The following CNBD1 variants were observed in gnomAD, a reference collection of about 807,000 sequenced individuals.
The protein encoded by CNBD1 is cyclic nucleotide binding domain containing 1, also known as cyclic nucleotide-binding domain-containing protein 1.
CNBD1 carries 71 observed loss-of-function variants against 54.4 expected under a neutral mutation model. The observed-to-expected ratio is 1.30, with a 90% confidence interval of 1.08 to 1.59. The LOEUF (loss-of-function observed/expected upper bound fraction) is 1.59. Ranked by LOEUF, CNBD1 falls within the 40% of genes most tolerant of loss-of-function variation. The pLI is 0.00. For missense variants in CNBD1, 659 were observed against 518.0 expected (o/e 1.27, Z -2.64); for synonymous variants, 182 against 170.7 (o/e 1.07, Z -0.51).
At chr8:87,150,449 T>G (rs753758658) in intron 4 of CNBD1, among the ~76,000 whole-genome samples, 8 of 152,220 alleles carry the variant, frequency 5.3e-5, no homozygotes, top group Non-Finnish European at 1.0e-4. Flanking sequence ...TCTTTTTGAA[T>G]GAGCTAATAT....
chr8:87,421,257 T>C (rs925792652), intron 2 of CNBD1, among the ~76,000 whole-genome samples: 1 of 151,434 alleles, frequency 6.6e-6, no homozygotes, highest in Non-Finnish European at 1.5e-5. Context: ...GTTCATTTTT[T>C]ATTTTTTATT....
chr8:87,076,636 G>C (rs553527756), intron 4 of CNBD1, among the ~76,000 whole-genome samples: 1 of 152,134 alleles, frequency 6.6e-6, no homozygotes, highest in Non-Finnish European at 1.5e-5. Context: ...TAGAGATGGG[G>C]TTTCATCGTG....
At chr8:87,293,331 G>A (rs1488438208) in intron 8 of CNBD1, among the ~76,000 whole-genome samples, 3 of 152,034 alleles carry the variant, frequency 2.0e-5, no homozygotes, top group Non-Finnish European at 4.4e-5. Context: ...ACCACCTGAG[G>A]TCAGGAGCTC....
chr8:87,372,387 TC>T lies in CNBD1; in HGVS notation c.1304-10230del, dbSNP rs550603668. ...GTTCTTAAATGTATACTTTGATGTT[TC>T]CCATCAAATGCTAGTTTTCTGTCAT... On this transcript the variant is annotated intron_variant, in intron 10 of 10. Coordinates refer to ENST00000518476, the MANE Select transcript of CNBD1 (RefSeq NM_173538.3). 3.9e-3 allele frequency among the ~76,000 whole-genome samples: 589 copies of T among 152,104 alleles called. 8 individuals are homozygous for T. Among genetic ancestry groups the T allele is most frequent in the African/African-American group, 0.013 (556 of 41,550 alleles).
intron 10 of CNBD1, among the ~76,000 whole-genome samples, chr8:87,364,415 TCTATCAAGTGTATTAAA>T (rs1373031948): frequency 2.3e-4 from 35 of 152,104 alleles, no homozygotes; most frequent in African/African-American, 8.2e-4. Flanking sequence ...TAATTTTTTC[TCTATCAAGTGTATTAAA>T]CTGTTTTACT....
intron 2 of CNBD1, among the ~76,000 whole-genome samples, chr8:87,414,516 G>A (rs1261106907): frequency 6.6e-6 from 1 of 152,058 alleles, no homozygotes; most frequent in African/African-American, 2.4e-5. Flanking sequence ...AAAACTTAAA[G>A]TATAATAATA....
intron 4 of CNBD1, among the ~76,000 whole-genome samples, chr8:87,009,549 C>G (rs1809172155): frequency 6.6e-6 from 1 of 152,058 alleles, no homozygotes; most frequent in East Asian, 1.9e-4. Context: ...ATCTGCCCAC[C>G]TCAGCCTCTC....
At chr8:86,894,452 T>TC (rs749526269) in intron 2 of CNBD1, among the ~76,000 whole-genome samples, 21 of 152,318 alleles carry the variant, frequency 1.4e-4, no homozygotes, top group Non-Finnish European at 2.2e-4. Context: ...CTTCCTAGTT[T>TC]CCCATATGAT....
At chr8:87,018,360 C>T (rs890878701) in intron 4 of CNBD1, among the ~76,000 whole-genome samples, 1 of 152,114 alleles carries the variant, frequency 6.6e-6, no homozygotes, top group Non-Finnish European at 1.5e-5. Context: ...CACAAATTGA[C>T]CTTGCTATAA....
At chr8:87,248,117 A>G (rs555119069) in intron 6 of CNBD1, among the ~76,000 whole-genome samples, 1 of 152,300 alleles carries the variant, frequency 6.6e-6, no homozygotes, top group African/African-American at 2.4e-5. Flanking sequence ...ATTCTCATGC[A>G]CATCCTCCTG....
intron 2 of CNBD1, among the ~76,000 whole-genome samples, chr8:87,426,991 A>T (rs1446472132): frequency 6.6e-6 from 1 of 152,188 alleles, no homozygotes; most frequent in Non-Finnish European, 1.5e-5. Context: ...GAATAAAATC[A>T]TGTAAACTTT....
chr8:87,234,687 T>C (rs868585172), intron 5 of CNBD1, among the ~76,000 whole-genome samples: 7 of 152,156 alleles, frequency 4.6e-5, no homozygotes, highest in Admixed American at 2.0e-4. Flanking sequence ...AGCATAATTG[T>C]TCAGGGCCCT....
At chr8:86,935,271 C>T (rs141899462) in intron 3 of CNBD1, among the ~76,000 whole-genome samples, 2,006 of 152,162 alleles carry the variant, frequency 0.013, 24 homozygotes, top group Non-Finnish European at 0.022. Context: ...CTCCTGACCT[C>T]GTAATCCACC....
At chr8:87,087,435 T>C (rs1811122269) in intron 4 of CNBD1, among the ~76,000 whole-genome samples, 1 of 150,802 alleles carries the variant, frequency 6.6e-6, no homozygotes, top group Non-Finnish European at 1.5e-5. Context: ...AGAAAAATGA[T>C]TCAGAGATTC....
At chr8:87,428,489 T>TCTTCTTA (rs1554589783) in intron 2 of CNBD1, 5 of 373,028 alleles carry the variant, frequency 1.3e-5, no homozygotes, top group African/African-American at 1.1e-4. Flanking sequence ...CAATTGCTCT[T>TCTTCTTA]TTTATGAAGA....
intron 1 of CNBD1, among the ~76,000 whole-genome samples, chr8:86,885,373 A>T (rs1331343987): frequency 2.6e-5 from 4 of 152,190 alleles, no homozygotes; most frequent in Admixed American, 6.5e-5. Flanking sequence ...TCCTAGTTAA[A>T]GATTAATTTT....
At chr8:87,020,658 C>T (rs532286531) in intron 4 of CNBD1, among the ~76,000 whole-genome samples, 60 of 127,564 alleles carry the variant, frequency 4.7e-4, no homozygotes, top group African/African-American at 1.9e-3. Flanking sequence ...TCTGGCATAA[C>T]ATTATGAGAC....
At chr8:86,977,498 A>G (rs915630496) in intron 4 of CNBD1, among the ~76,000 whole-genome samples, 6 of 152,078 alleles carry the variant, frequency 3.9e-5, no homozygotes, top group African/African-American at 1.2e-4. Flanking sequence ...TTAGCTAAGA[A>G]GCAATGAGAG....
intron 2 of CNBD1, among the ~76,000 whole-genome samples, chr8:87,404,907 A>G (rs746213076): frequency 2.0e-5 from 3 of 151,970 alleles, no homozygotes; most frequent in Non-Finnish European, 2.9e-5. Flanking sequence ...TTCTGTATAT[A>G]TATTTCTCTG....
Sources: allele counts gnomAD v4.1 joint callset (sites outside exome capture counted in the v4.1 genomes callset), GRCh38; gene constraint gnomAD v4.1.1; transcripts MANE v1.5; gene names NCBI Gene and HGNC (gene_info 2026-07-23, HGNC 2026-07-21).